ADAM12: variants seen among roughly 807,000 people sequenced by gnomAD.
ADAM12 encodes the protein ADAM metallopeptidase domain 12, also known as disintegrin and metalloproteinase domain-containing protein 12.
Under a neutral mutation model 106.4 loss-of-function variants are expected in ADAM12, and 70 were observed. The ratio of observed to expected loss-of-function variants is 0.66; its 90% confidence interval spans 0.54 to 0.80. The LOEUF (loss-of-function observed/expected upper bound fraction) is 0.80. Among genes scored for constraint, ADAM12 ranks in the 30% least tolerant of loss-of-function variants. ADAM12 has a pLI of 0.00. For missense variants in ADAM12, 1,010 were observed against 1,171.9 expected, an observed-to-expected ratio of 0.86 and a Z score of 2.02; for synonymous variants, 420 against 433.5, an observed-to-expected ratio of 0.97 and a Z score of 0.39.
At chr10:126,147,987 CTG>C (rs1331293092) in intron 4 of ADAM12, among the ~76,000 whole-genome samples, 1 of 152,192 alleles carries the variant, frequency 6.6e-6, no homozygotes, top group African/African-American at 2.4e-5. Flanking sequence ...CCTTTCAGAG[CTG>C]TCTTTTGGCA....
At chr10:126,153,058 A>T (rs1956756610) in intron 4 of ADAM12, among the ~76,000 whole-genome samples, 1 of 152,172 alleles carries the variant, frequency 6.6e-6, no homozygotes, top group East Asian at 1.9e-4. Context: ...GCTGGTGATC[A>T]GTTTCCTTCC....
At chr10:126,156,762 G>A (rs1373398841) in intron 3 of ADAM12, among the ~76,000 whole-genome samples, 1 of 152,182 alleles carries the variant, frequency 6.6e-6, no homozygotes, top group Non-Finnish European at 1.5e-5. Flanking sequence ...GAGTCGGCCA[G>A]GCCCAGGACA....
At chr10:126,121,238 CT>C (rs1201980649) in intron 5 of ADAM12, among the ~76,000 whole-genome samples, 3 of 101,260 alleles carry the variant, frequency 3.0e-5, no homozygotes, top group African/African-American at 8.4e-5. Context: ...AGTATATATA[CT>C]ATATAGTATA....
At chr10:126,045,157 A>C (rs1674898) in intron 17 of ADAM12, among the ~76,000 whole-genome samples, 64,656 of 151,928 alleles carry the variant, frequency 0.43, 15,771 homozygotes, top group African/African-American at 0.64. Flanking sequence ...CACCATCCCC[A>C]CAGCTCAGGG....
intron 3 of ADAM12, among the ~76,000 whole-genome samples, chr10:126,185,482 G>GT (rs5788774): frequency 1.4e-3 from 202 of 148,278 alleles, no homozygotes; most frequent in Non-Finnish European, 1.8e-3. Flanking sequence ...GTTAACATCT[G>GT]TTTTTTTTTT....
rs11244868 is a variant in ADAM12 at position 126,177,791 on chromosome 10, T to G, written c.261-22486A>C. ...AAGAGTTGCCCCTGCTTTCTTACATTGCAACAAAGAATGGGAATTAACTGC... is the reference window on the plus strand; with the variant it reads ...AAGAGTTGCCCCTGCTTTCTTACATGGCAACAAAGAATGGGAATTAACTGC... On this transcript the variant is annotated intron_variant, in intron 3 of 22. Transcript: ENST00000448723. 7.9e-5 allele frequency among the ~76,000 whole-genome samples: 12 copies of G among 152,302 alleles called. No individual in the cohort carries two copies. In the East Asian group the frequency reaches 2.3e-3, roughly 29 times the overall value.
intron 5 of ADAM12, among the ~76,000 whole-genome samples, chr10:126,120,628 G>A (rs1208563140): frequency 6.6e-6 from 1 of 151,834 alleles, no homozygotes; most frequent in Non-Finnish European, 1.5e-5. Flanking sequence ...ATAAGGGAAT[G>A]TCAGAGAACA....
chr10:126,121,404 TGCATATTATATAATATGCA>T (rs1188148984), intron 5 of ADAM12, among the ~76,000 whole-genome samples: 2 of 128,540 alleles, frequency 1.6e-5, no homozygotes, highest in Admixed American at 9.0e-5. Context: ...TATAATATAT[TGCATATTATATAATATGCA>T]ATATATTATA....
rs542313612 is a variant in ADAM12, at chr10:126,348,928, T to C, written c.89-18419A>G. 3.3e-5 allele frequency among the ~76,000 whole-genome samples: 5 copies of C among 152,332 alleles called. No homozygotes were observed. The South Asian group carries it at 1.0e-3, about 32-fold the overall frequency. On this transcript the variant is annotated intron_variant, in intron 1 of 22. Coordinates refer to ENST00000448723, the MANE Select transcript of ADAM12 (RefSeq NM_001288973.2). ...TGTTTATCTGAAATTCAGATTCAAC[T>C]GGGAGTCCTGTTTTATCTGGCAATC... is the stretch of plus-strand genomic sequence containing the variant.
intron 2 of ADAM12, among the ~76,000 whole-genome samples, chr10:126,307,763 T>C (rs1444984356): frequency 6.6e-6 from 1 of 152,060 alleles, no homozygotes; most frequent in Non-Finnish European, 1.5e-5. Context: ...TGGGGAATTT[T>C]TGTATTTTTT....
intron 3 of ADAM12, among the ~76,000 whole-genome samples, chr10:126,220,178 G>C (rs1958063750): frequency 6.6e-6 from 1 of 152,228 alleles, no homozygotes; most frequent in African/African-American, 2.4e-5. Context: ...GTGGCAATGT[G>C]AAACGTGACT....
chr10:126,372,250 C>T (rs1320271459), intron 1 of ADAM12, among the ~76,000 whole-genome samples: 2 of 152,168 alleles, frequency 1.3e-5, no homozygotes, highest in Non-Finnish European at 2.9e-5. Flanking sequence ...TGAGGACAAA[C>T]CTCAGCACTG....
intron 1 of ADAM12, among the ~76,000 whole-genome samples, chr10:126,364,750 A>C (rs1370629111): frequency 6.6e-6 from 1 of 152,198 alleles, no homozygotes; most frequent in Non-Finnish European, 1.5e-5. Flanking sequence ...ATTTAAAAAA[A>C]TCAAAAATTA....
At chr10:126,337,610 T>C (rs1470405790) in intron 1 of ADAM12, among the ~76,000 whole-genome samples, 1 of 152,164 alleles carries the variant, frequency 6.6e-6, no homozygotes, top group Non-Finnish European at 1.5e-5. Flanking sequence ...CCTCTTCCAG[T>C]CCAACTCAAA....
In ADAM12 at chr10:126,016,134, T is replaced by C. The variant is rs1165435308; in HGVS notation, c.*1145A>G. On this transcript the variant is annotated 3_prime_UTR_variant, in exon 23 of 23. Coordinates refer to ENST00000448723, the MANE Select transcript of ADAM12 (RefSeq NM_001288973.2). Reference sequence around the variant, plus strand: ...GAGGATGCCCCATAGAGAAGGTTCTTTGTCCAATATCTACGAATAATGATA... The same window carrying C: ...GAGGATGCCCCATAGAGAAGGTTCTCTGTCCAATATCTACGAATAATGATA... 1 of 152,186 alleles carries C rather than the reference T, an allele frequency of 6.6e-6. No homozygotes were observed. Among genetic ancestry groups the C allele is most frequent in the Admixed American group, 6.5e-5 (1 of 15,276 alleles). 9.4% of individuals were successfully genotyped at this position (152,186 alleles called of 1,614,324 possible).
Position 126,339,233 on chromosome 10 carries a change from G to A in ADAM12, c.89-8724C>T, listed in dbSNP as rs1854831053. Among the ~76,000 whole-genome samples the A allele has an allele frequency of 2.6e-5, 4 of 152,256 alleles. No homozygotes were observed. The South Asian group carries it at 8.3e-4, about 32-fold the overall frequency. ...CTTCCCATCTGGCCACTTCACCCAA[G>A]CACAGTCTATATTTTATCTACAGGA... On this transcript the variant is annotated intron_variant, in intron 1 of 22. Transcript: ENST00000448723.
At chr10:126,073,502 G>A (rs1955041328) in intron 11 of ADAM12, among the ~76,000 whole-genome samples, 1 of 152,048 alleles carries the variant, frequency 6.6e-6, no homozygotes, top group African/African-American at 2.4e-5. Flanking sequence ...CATCACCCAG[G>A]CAATAAGCAC....
At chr10:126,055,873 C>G (rs998190605) in intron 14 of ADAM12, among the ~76,000 whole-genome samples, 10 of 152,220 alleles carry the variant, frequency 6.6e-5, no homozygotes, top group Non-Finnish European at 1.5e-4. Context: ...CGGCCTACCC[C>G]CTGCACCTGA....
intron 3 of ADAM12, among the ~76,000 whole-genome samples, chr10:126,231,345 A>ATC (rs1958306089): frequency 6.6e-6 from 1 of 151,918 alleles, no homozygotes; most frequent in African/African-American, 2.4e-5. Context: ...GAACTTTGAA[A>ATC]TCTTAGGAGG....
Sources: gnomAD v4.1 joint callset for allele counts (sites outside exome capture counted in the v4.1 genomes callset) on GRCh38, gnomAD v4.1.1 for gene constraint, MANE v1.5 for transcripts, NCBI Gene and HGNC (gene_info 2026-07-23, HGNC 2026-07-21) for gene names.